The following CACNA2D3 variants were observed in gnomAD, a reference collection of about 807,000 sequenced individuals.
CACNA2D3 encodes voltage-dependent calcium channel subunit alpha-2/delta-3.
Under a neutral mutation model 160.6 loss-of-function variants are expected in CACNA2D3, and 60 were observed. The observed-to-expected ratio is 0.37, with a 90% confidence interval of 0.30 to 0.46. The LOEUF is 0.46. CACNA2D3 is among the 20% of genes least tolerant of loss of function. The probability of loss-of-function intolerance (pLI) is 1.00; values close to 1 mark genes in which losing one functional copy is unlikely to be tolerated. For missense variants in CACNA2D3, 1,205 were observed against 1,365.0 expected (o/e 0.88, Z 1.85); for synonymous variants, 558 against 492.9 (o/e 1.13, Z -1.75).
chr3:54,491,788 A>T (rs556509407), intron 4 of CACNA2D3, among the ~76,000 whole-genome samples: 1 of 152,186 alleles, frequency 6.6e-6, no homozygotes, highest in African/African-American at 2.4e-5. Context: ...TGCAAAACCT[A>T]AAATATTTAC....
intron 11 of CACNA2D3, among the ~76,000 whole-genome samples, chr3:54,693,999 G>A (rs1477027315): frequency 6.6e-6 from 1 of 152,108 alleles, no homozygotes; most frequent in African/African-American, 2.4e-5. Flanking sequence ...AATAAATTTA[G>A]TGTAGCCTAA....
intron 11 of CACNA2D3, among the ~76,000 whole-genome samples, chr3:54,746,245 G>A (rs900255877): frequency 1.3e-5 from 2 of 152,128 alleles, no homozygotes; most frequent in Admixed American, 6.5e-5. Flanking sequence ...TAAAGATTAA[G>A]GATTTTATTC....
intron 35 of CACNA2D3, among the ~76,000 whole-genome samples, chr3:55,037,528 G>A (rs1559470607): frequency 6.6e-6 from 1 of 152,140 alleles, no homozygotes; most frequent in Non-Finnish European, 1.5e-5. Flanking sequence ...CCTGCAAGAG[G>A]GCGGGCCGAA....
At chr3:54,515,929 A>C (rs899121701) in intron 5 of CACNA2D3, among the ~76,000 whole-genome samples, 2 of 152,104 alleles carry the variant, frequency 1.3e-5, no homozygotes, top group African/African-American at 4.8e-5. Flanking sequence ...TTTGTGAAGC[A>C]CCTGTTCCTG....
At chr3:54,269,055 T>G (rs1318314430) in intron 2 of CACNA2D3, among the ~76,000 whole-genome samples, 1 of 152,154 alleles carries the variant, frequency 6.6e-6, no homozygotes, top group Non-Finnish European at 1.5e-5. Context: ...TGGCTTGGTT[T>G]GGTTCTTTGC....
At chr3:55,012,176 C>G (rs901227171) in intron 34 of CACNA2D3, among the ~76,000 whole-genome samples, 3 of 152,104 alleles carry the variant, frequency 2.0e-5, no homozygotes, top group African/African-American at 7.2e-5. Context: ...GACTTTGGTT[C>G]CATTTGTCAA....
At chr3:54,175,584 G>A (rs1232887692) in intron 2 of CACNA2D3, among the ~76,000 whole-genome samples, 3 of 137,518 alleles carry the variant, frequency 2.2e-5, no homozygotes, top group Non-Finnish European at 4.5e-5. Flanking sequence ...CTGCACTCCA[G>A]CCTGGGGTGA....
chr3:55,052,151 A>T (rs1459277625), intron 35 of CACNA2D3, among the ~76,000 whole-genome samples: 1 of 152,086 alleles, frequency 6.6e-6, no homozygotes, highest in East Asian at 1.9e-4. Context: ...ATTAAATTCA[A>T]AATATTTTCT....
intron 12 of CACNA2D3, among the ~76,000 whole-genome samples, chr3:54,763,104 A>G (rs1702112183): frequency 1.2e-5 from 1 of 85,100 alleles, no homozygotes; most frequent in Admixed American, 1.4e-4. Flanking sequence ...AAAAAAAAAG[A>G]AAGAAAAAGA....
At position 54,234,833 on chromosome 3, in the gene CACNA2D3, G is replaced by A. The variant is rs541201918; in HGVS notation, c.205-85609G>A. On this transcript the variant is annotated intron_variant, in intron 2 of 37. Coordinates refer to ENST00000474759, the MANE Select transcript of CACNA2D3 (RefSeq NM_018398.3). ...TGAGAACTTAATAACACAAAGAAGGGAACAACAGACACTGGAACCTACTTG... is the reference window on the plus strand; with the variant it reads ...TGAGAACTTAATAACACAAAGAAGGAAACAACAGACACTGGAACCTACTTG... 3.9e-4 allele frequency among the ~76,000 whole-genome samples: 59 copies of A among 152,020 alleles called. 1 individual carries two copies. The highest frequency in any genetic ancestry group is 7.2e-4 in the Non-Finnish European group (49 of 68,004).
intron 27 of CACNA2D3, among the ~76,000 whole-genome samples, chr3:54,965,201 A>G (rs1333945167): frequency 6.6e-6 from 1 of 151,588 alleles, no homozygotes; most frequent in Admixed American, 6.6e-5. Flanking sequence ...CTTTATTTAC[A>G]AAAAGAGGCT....
intron 17 of CACNA2D3, among the ~76,000 whole-genome samples, chr3:54,853,029 A>G (rs1378117476): frequency 1.3e-5 from 2 of 152,084 alleles, no homozygotes; most frequent in Non-Finnish European, 2.9e-5. Context: ...AGAAACCGCA[A>G]GCTCCTTCCT....
intron 3 of CACNA2D3, among the ~76,000 whole-genome samples, chr3:54,379,433 A>G (rs941614857): frequency 6.6e-6 from 1 of 152,252 alleles, no homozygotes; most frequent in Admixed American, 6.5e-5. Context: ...AAACATTTGT[A>G]TCAATAAGGA....
chr3:54,197,077 T>G (rs918487975), intron 2 of CACNA2D3, among the ~76,000 whole-genome samples: 2 of 152,192 alleles, frequency 1.3e-5, no homozygotes, highest in Non-Finnish European at 2.9e-5. Flanking sequence ...AAGATTTAAA[T>G]TTTTTAAAGA....
intron 34 of CACNA2D3, among the ~76,000 whole-genome samples, chr3:55,014,358 C>A (rs1703280113): frequency 6.6e-6 from 1 of 152,188 alleles, no homozygotes; most frequent in Admixed American, 6.5e-5. Context: ...AAGAAGGAAT[C>A]AGCCAAACTG....
In CACNA2D3 at chr3:54,162,278, C is replaced by T. The variant is rs553161024; in HGVS notation, c.204+38684C>T. Among the ~76,000 whole-genome samples the T allele has an allele frequency of 1.2e-4, 18 of 152,148 alleles. No homozygotes were observed. In the East Asian group the frequency reaches 2.5e-3, roughly 21 times the overall value. On this transcript the variant is annotated intron_variant, in intron 2 of 37. Transcript: ENST00000474759. ...GATTCTGGGGTCAGGAATTTGGACA[C>T]GGGAGGGGTGGCCTGTGTCTGCTGG...
At chr3:55,040,006 G>A (rs901682538) in intron 35 of CACNA2D3, among the ~76,000 whole-genome samples, 3 of 152,152 alleles carry the variant, frequency 2.0e-5, no homozygotes, top group Non-Finnish European at 2.9e-5. Flanking sequence ...TTAAATAGTA[G>A]ACATTTATTT....
rs568284571 is a variant in CACNA2D3 at position 54,473,569 on chromosome 3, A to G, written c.382-29923A>G. Reference sequence around the variant, plus strand: ...AAACTAAACAGCTTCTGCACAGCAAAAGAAACTACCATCAGAGTGAACAGG... The same window carrying G: ...AAACTAAACAGCTTCTGCACAGCAAGAGAAACTACCATCAGAGTGAACAGG... On this transcript the variant is annotated intron_variant, in intron 4 of 37. Coordinates refer to ENST00000474759, the MANE Select transcript of CACNA2D3 (RefSeq NM_018398.3). Among the ~76,000 whole-genome samples the G allele has an allele frequency of 4.6e-5, 7 of 152,348 alleles. No homozygotes were observed. In the East Asian group the frequency reaches 1.3e-3, roughly 29 times the overall value.
At chr3:55,057,636 G>T (rs1227715653) in intron 35 of CACNA2D3, among the ~76,000 whole-genome samples, 1 of 152,154 alleles carries the variant, frequency 6.6e-6, no homozygotes, top group African/African-American at 2.4e-5. Context: ...TAAGAAGAGG[G>T]AAGGAACAAA....
Sources: gnomAD v4.1 joint callset for allele counts (sites outside exome capture counted in the v4.1 genomes callset) on GRCh38, gnomAD v4.1.1 for gene constraint, MANE v1.5 for transcripts, NCBI Gene and HGNC (gene_info 2026-07-23, HGNC 2026-07-21) for gene names.